STK39: variants seen among roughly 807,000 people sequenced by gnomAD.
STK39 encodes the protein STE20/SPS1-related proline-alanine-rich protein kinase.
A neutral mutation model predicts 77.8 loss-of-function variants in STK39; 20 were observed. The observed-to-expected ratio is 0.26, with a 90% CI of 0.18 to 0.37. STK39 has a LOEUF of 0.37. Among genes scored for constraint, STK39 ranks in the 10% least tolerant of loss-of-function variants. The probability of loss-of-function intolerance (pLI) is 1.00; values close to 1 mark genes in which losing one functional copy is unlikely to be tolerated. For synonymous variants in STK39, 246 were observed against 234.1 expected, an observed-to-expected ratio of 1.05 and a Z score of -0.47; for missense variants, 479 against 656.5, an observed-to-expected ratio of 0.73 and a Z score of 2.95.
intron 10 of STK39, among the ~76,000 whole-genome samples, chr2:168,124,729 C>T (rs1687496094): frequency 6.6e-6 from 1 of 152,126 alleles, no homozygotes; most frequent in Admixed American, 6.6e-5. Flanking sequence ...CCACAGAAAG[C>T]ATATGAATAT....
intron 1 of STK39, among the ~76,000 whole-genome samples, chr2:168,196,118 A>C (rs1689463586): frequency 6.6e-6 from 1 of 152,262 alleles, no homozygotes; most frequent in South Asian, 2.1e-4. Context: ...AATTATAATA[A>C]TGCCTTCCTC....
At chr2:168,004,409 C>T (rs1684071091) in intron 16 of STK39, among the ~76,000 whole-genome samples, 1 of 152,102 alleles carries the variant, frequency 6.6e-6, no homozygotes, top group Non-Finnish European at 1.5e-5. Context: ...GAGCTGAAGG[C>T]ATCTCCAAAG....
At chr2:168,194,670 T>C (rs1428174460) in intron 1 of STK39, among the ~76,000 whole-genome samples, 15 of 152,206 alleles carry the variant, frequency 9.9e-5, no homozygotes, top group Non-Finnish European at 2.2e-4. Flanking sequence ...ATTTATTTTA[T>C]TAATCCAGAA....
chr2:168,208,013 T>C (rs1489012955), intron 1 of STK39, among the ~76,000 whole-genome samples: 1 of 152,176 alleles, frequency 6.6e-6, no homozygotes, highest in Admixed American at 6.5e-5. Context: ...CCACAGAAAC[T>C]GGCTCATTAT....
At chr2:168,049,795 G>A (rs1360452518) in intron 14 of STK39, among the ~76,000 whole-genome samples, 1 of 152,212 alleles carries the variant, frequency 6.6e-6, no homozygotes, top group East Asian at 1.9e-4. Flanking sequence ...CCTGACTTGT[G>A]TCTGTGTTCC....
intron 17 of STK39, among the ~76,000 whole-genome samples, chr2:167,960,676 G>A (rs1316395790): frequency 2.0e-5 from 3 of 152,142 alleles, no homozygotes; most frequent in Non-Finnish European, 4.4e-5. Flanking sequence ...ACCCCATGGA[G>A]GAGCTGAAGT....
chr2:167,955,475 G>A lies in STK39; in HGVS notation c.*21C>T. On this transcript the variant is annotated 3_prime_UTR_variant, in exon 18 of 18. Coordinates refer to ENST00000355999, the MANE Select transcript of STK39 (RefSeq NM_013233.3). The stretch of plus-strand genomic sequence containing the variant: ...GTGGCGGTGGGGCATGACAGATCAG[G>A]GTGACATCAAGGGACATACATCAGC... 1.2e-6 allele frequency: 2 copies of A among 1,612,698 alleles called. No individual in the cohort carries two copies. The highest frequency in any genetic ancestry group is 1.7e-6 in the Non-Finnish European group (2 of 1,179,144).
chr2:167,983,840 G>C (rs1288883886), intron 16 of STK39, among the ~76,000 whole-genome samples: 1 of 152,120 alleles, frequency 6.6e-6, no homozygotes, highest in Non-Finnish European at 1.5e-5. Context: ...ATCCCAACTT[G>C]AATACACAAA....
chr2:168,067,520 A>ACAGCC (rs1332199804), intron 12 of STK39, among the ~76,000 whole-genome samples: 1 of 152,194 alleles, frequency 6.6e-6, no homozygotes, highest in African/African-American at 2.4e-5. Flanking sequence ...ATCAGCTTAT[A>ACAGCC]CAGCCTGCAG....
In STK39 at chr2:168,069,003, G is replaced by A. The variant is rs148644281; in HGVS notation, c.1243-3622C>T. Among the ~76,000 whole-genome samples the A allele has an allele frequency of 9.8e-3, 1,493 of 152,176 alleles. 23 individuals are homozygous for A. Among genetic ancestry groups the A allele is most frequent in the African/African-American group, 0.034 (1,422 of 41,476 alleles). On this transcript the variant is annotated intron_variant, in intron 12 of 17. Transcript: ENST00000355999. ...ATGATCTCAGCTCACTGCAACCTCCGCCTCCTGGGTTCAAGCGATTCTCCT... is the reference window on the plus strand; with the variant it reads ...ATGATCTCAGCTCACTGCAACCTCCACCTCCTGGGTTCAAGCGATTCTCCT...
At chr2:168,172,092 T>C (rs1049812704) in intron 2 of STK39, among the ~76,000 whole-genome samples, 1 of 152,190 alleles carries the variant, frequency 6.6e-6, no homozygotes, top group Non-Finnish European at 1.5e-5. Context: ...TACTACTATC[T>C]ACATGAGATT....
At chr2:168,039,643 G>A (rs963164258) in intron 14 of STK39, among the ~76,000 whole-genome samples, 1 of 151,460 alleles carries the variant, frequency 6.6e-6, no homozygotes, top group Non-Finnish European at 1.5e-5. Flanking sequence ...GACTGCCTTT[G>A]CCAGAGGTGG....
chr2:168,219,753 A>G (rs916422686), intron 1 of STK39, among the ~76,000 whole-genome samples: 1 of 152,186 alleles, frequency 6.6e-6, no homozygotes, highest in Non-Finnish European at 1.5e-5. Flanking sequence ...ATTTATTAGA[A>G]TCACCATTTA....
At chr2:168,126,352 T>G (rs552051996) in intron 10 of STK39, among the ~76,000 whole-genome samples, 5 of 152,008 alleles carry the variant, frequency 3.3e-5, no homozygotes, top group African/African-American at 9.7e-5. Flanking sequence ...AACAAATAAA[T>G]TAACGACTCC....
At chr2:167,972,729 G>T (rs997761833) in intron 16 of STK39, among the ~76,000 whole-genome samples, 13 of 152,154 alleles carry the variant, frequency 8.5e-5, no homozygotes, top group Admixed American at 4.6e-4. Context: ...ATAAAAAGTA[G>T]ATATTAAAGC....
chr2:168,115,286 C>T (rs1687229707), intron 10 of STK39, among the ~76,000 whole-genome samples: 2 of 152,204 alleles, frequency 1.3e-5, no homozygotes, highest in Non-Finnish European at 1.5e-5. Context: ...AGCATATATA[C>T]GCATGCACCC....
chr2:168,160,986 G>T (rs982164685), intron 5 of STK39, among the ~76,000 whole-genome samples: 1 of 152,066 alleles, frequency 6.6e-6, no homozygotes, highest in Non-Finnish European at 1.5e-5. Context: ...GCCAAAGATT[G>T]ATAATTATTG....
At chr2:168,204,754 C>G (rs762657116) in intron 1 of STK39, among the ~76,000 whole-genome samples, 1 of 152,144 alleles carries the variant, frequency 6.6e-6, no homozygotes. Context: ...AGGAGATGAT[C>G]GTTTTTAATG....
At chr2:168,178,046 A>G (rs1307120589) in intron 2 of STK39, among the ~76,000 whole-genome samples, 2 of 152,220 alleles carry the variant, frequency 1.3e-5, no homozygotes, top group Non-Finnish European at 2.9e-5. Context: ...TCCCATCACC[A>G]AAGTCAGTGC....
Sources: allele counts gnomAD v4.1 joint callset (sites outside exome capture counted in the v4.1 genomes callset), GRCh38; gene constraint gnomAD v4.1.1; transcripts MANE v1.5; gene names NCBI Gene and HGNC (gene_info 2026-07-23, HGNC 2026-07-21).